Variants in MDFIC2 observed in about 807,000 individuals in gnomAD.
The protein encoded by MDFIC2 is myoD family inhibitor domain-containing protein 2.
At chr3:70,254,056 C>G (rs1701792908) in intron 2 of MDFIC2, among the ~76,000 whole-genome samples, 2 of 152,036 alleles carry the variant, frequency 1.3e-5, no homozygotes, top group South Asian at 2.1e-4. Context: ...ATTCAGATAA[C>G]AGTTATTTAG....
intron 2 of MDFIC2, among the ~76,000 whole-genome samples, chr3:70,284,413 AAAAC>A (rs1347242590): frequency 6.6e-6 from 1 of 152,154 alleles, no homozygotes; most frequent in Non-Finnish European, 1.5e-5. Flanking sequence ...AACAAAAGCA[AAAAC>A]AAAAAGAGAA....
intron 2 of MDFIC2, among the ~76,000 whole-genome samples, chr3:70,254,760 C>A (rs1028199137): frequency 6.6e-6 from 1 of 152,144 alleles, no homozygotes; most frequent in Non-Finnish European, 1.5e-5. Flanking sequence ...TATTCTATCA[C>A]CTCTCCATAG....
At chr3:70,296,978 T>G (rs1702295358) in intron 2 of MDFIC2, among the ~76,000 whole-genome samples, 1 of 151,956 alleles carries the variant, frequency 6.6e-6, no homozygotes, top group Non-Finnish European at 1.5e-5. Context: ...TGATCTAATA[T>G]CCCCATGCTC....
At chr3:70,276,835 G>A (rs975773788) in intron 2 of MDFIC2, among the ~76,000 whole-genome samples, 2 of 152,074 alleles carry the variant, frequency 1.3e-5, no homozygotes. Context: ...CCCCAACACA[G>A]AAAAAAATTG....
intron 2 of MDFIC2, among the ~76,000 whole-genome samples, chr3:70,294,632 A>G (rs1315898480): frequency 3.3e-5 from 5 of 152,116 alleles, no homozygotes; most frequent in African/African-American, 1.2e-4. Context: ...ATAACAGAAA[A>G]CGTCAACTCA....
chr3:70,258,385 T>G (rs1244722339), intron 2 of MDFIC2, among the ~76,000 whole-genome samples: 4 of 152,126 alleles, frequency 2.6e-5, no homozygotes, highest in Non-Finnish European at 5.9e-5. Flanking sequence ...GTTCATTTAT[T>G]GGAAAAATAA....
At chr3:70,262,558 G>A (rs761793271) in intron 2 of MDFIC2, among the ~76,000 whole-genome samples, 57 of 152,210 alleles carry the variant, frequency 3.7e-4, no homozygotes, top group Middle Eastern at 3.4e-3. Flanking sequence ...CATAATAAAG[G>A]AATTTTGAAG....
chr3:70,228,183 A>T (rs1340706513), intron 2 of MDFIC2, among the ~76,000 whole-genome samples: 1 of 152,182 alleles, frequency 6.6e-6, no homozygotes, highest in East Asian at 1.9e-4. Context: ...AGGTTTTAGT[A>T]TCAAGAAAGG....
rs932097822 is a variant in MDFIC2, at chr3:70,200,832, C to T, written c.311-3647G>A. ...TTGTTTCTGACTGTCCTAAATCCTA[C>T]CAACTGTAAGATCGTAGAGCAGAGA... is the stretch of plus-strand genomic sequence containing the variant. On this transcript the variant is annotated intron_variant, in intron 3 of 3. Coordinates refer to ENST00000567252, the MANE Select transcript of MDFIC2 (RefSeq NM_001364677.1). Among the ~76,000 whole-genome samples the T allele has an allele frequency of 5.3e-5, 8 of 152,102 alleles. No homozygotes were observed. The South Asian group carries it at 8.3e-4, about 16-fold the overall frequency.
At chr3:70,228,631 C>CT (rs199862446) in intron 2 of MDFIC2, among the ~76,000 whole-genome samples, 4,167 of 126,912 alleles carry the variant, frequency 0.033, 153 homozygotes, top group Admixed American at 0.11. Flanking sequence ...AGTTTTCTTA[C>CT]TTTTTTTTTT....
At chr3:70,235,382 A>C (rs1701597648) in intron 2 of MDFIC2, among the ~76,000 whole-genome samples, 1 of 151,846 alleles carries the variant, frequency 6.6e-6, no homozygotes, top group Non-Finnish European at 1.5e-5. Context: ...TCACCCACTC[A>C]CTCCTTAATC....
chr3:70,248,959 A>T (rs1360109722), intron 2 of MDFIC2: 1 of 152,156 alleles, frequency 6.6e-6, no homozygotes, highest in Non-Finnish European at 1.5e-5. Context: ...CTTCACTGTC[A>T]TTTTATTTCC....
At chr3:70,220,286 C>G (rs1701450230) in intron 2 of MDFIC2, among the ~76,000 whole-genome samples, 1 of 151,964 alleles carries the variant, frequency 6.6e-6, no homozygotes, top group South Asian at 2.1e-4. Context: ...TTTCTTGAGG[C>G]TAGGCTCAGT....
In MDFIC2 at chr3:70,271,606, C is replaced by T. The variant is rs77229412; in HGVS notation, c.88+40280G>A. 7.5e-3 allele frequency among the ~76,000 whole-genome samples: 1,139 copies of T among 152,308 alleles called. 14 individuals are homozygous for T. The highest frequency in any genetic ancestry group is 0.027 in the African/African-American group (1,102 of 41,566). On this transcript the variant is annotated intron_variant, in intron 2 of 3. Transcript: ENST00000567252. ...ATTCTGGTTGGTCCATTACTTTCAT[C>T]TTATAGCCAAAACAATAGACCCAGC...
At chr3:70,306,130 G>T (rs1702397575) in intron 2 of MDFIC2, among the ~76,000 whole-genome samples, 1 of 152,082 alleles carries the variant, frequency 6.6e-6, no homozygotes, top group African/African-American at 2.4e-5. Context: ...TTGAGATGGA[G>T]TCTTGCTCTC....
chr3:70,285,288 A>G (rs1269538668), intron 2 of MDFIC2, among the ~76,000 whole-genome samples: 1 of 141,278 alleles, frequency 7.1e-6, no homozygotes, highest in African/African-American at 2.6e-5. Context: ...ATTCCCACCT[A>G]TGAGTGAGAA....
At chr3:70,312,031 A>G (rs1702457965) in intron 1 of MDFIC2, 58 bp from the exon 2 acceptor site, 2 of 396,644 alleles carry the variant, frequency 5.0e-6, no homozygotes, top group African/African-American at 2.1e-5. Flanking sequence ...AATTTATAAC[A>G]TCGAGTTTTA....
chr3:70,225,516 G>A (rs1290622128), intron 2 of MDFIC2, among the ~76,000 whole-genome samples: 2 of 152,090 alleles, frequency 1.3e-5, no homozygotes, highest in Non-Finnish European at 2.9e-5. Flanking sequence ...TATTATTCTA[G>A]TTTAAGAAAG....
At chr3:70,257,161 A>G (rs1342925744) in intron 2 of MDFIC2, among the ~76,000 whole-genome samples, 1 of 152,232 alleles carries the variant, frequency 6.6e-6, no homozygotes, top group Non-Finnish European at 1.5e-5. Flanking sequence ...CATGATTATC[A>G]TAGGAAATTT....
Sources: gnomAD v4.1 joint callset for allele counts (sites outside exome capture counted in the v4.1 genomes callset) on GRCh38, gnomAD v4.1.1 for gene constraint, MANE v1.5 for transcripts, NCBI Gene and HGNC (gene_info 2026-07-23, HGNC 2026-07-21) for gene names.